Variants in TBC1D2B observed in about 807,000 individuals in gnomAD.
The protein encoded by TBC1D2B is TBC1 domain family member 2B.
Under a neutral mutation model 100.8 loss-of-function variants are expected in TBC1D2B, and 64 were observed. The observed-to-expected ratio is 0.64, with a 90% CI of 0.52 to 0.78. The LOEUF is 0.78. Ranked by LOEUF, TBC1D2B falls within the 30% of genes least tolerant of loss-of-function variation. TBC1D2B has a pLI of 0.00. For missense variants in TBC1D2B, 1,052 were observed against 1,218.4 expected (o/e 0.86, Z 2.03); for synonymous variants, 480 against 479.7 (o/e 1.00, Z -0.01).
intron 10 of TBC1D2B, among the ~76,000 whole-genome samples, chr15:78,004,418 G>A (rs2072011762): frequency 6.6e-6 from 1 of 152,174 alleles, no homozygotes; most frequent in African/African-American, 2.4e-5. Context: ...AGGAGGGCTG[G>A]GAGGTGAGGC....
chr15:78,012,535 T>C (rs546419327), intron 9 of TBC1D2B, among the ~76,000 whole-genome samples: 16 of 152,174 alleles, frequency 1.1e-4, no homozygotes, highest in Non-Finnish European at 2.1e-4. Flanking sequence ...ATCAAACTTC[T>C]GATCAAAACC....
Position 77,998,156 on chromosome 15 carries a change from C to T in TBC1D2B, c.*4G>A. On this transcript the variant is annotated 3_prime_UTR_variant, in exon 13 of 13. Coordinates refer to ENST00000300584, the MANE Select transcript of TBC1D2B (RefSeq NM_144572.2). Reference sequence around the variant, plus strand: ...AGGAAGGAAGAGCAGCATCCCGAGCCCACTCAGGTATCCTCCTCCTCGTCA... The same window carrying T: ...AGGAAGGAAGAGCAGCATCCCGAGCTCACTCAGGTATCCTCCTCCTCGTCA... 4.0e-6 allele frequency: 6 copies of T among 1,511,890 alleles called. No individual in the cohort carries two copies. The highest frequency in any genetic ancestry group is 1.7e-4 in the Middle Eastern group (1 of 5,850). 93.7% of individuals were successfully genotyped at this position (1,511,890 alleles called of 1,614,324 possible). A position where few individuals can be genotyped will look rare whatever the true frequency, so the allele number is the denominator to read the frequency against.
At chr15:78,012,780 G>C in intron 9 of TBC1D2B, 43 bp downstream of exon 9, 1 of 1,408,526 alleles carries the variant, frequency 7.1e-7, no homozygotes, top group Non-Finnish European at 9.3e-7. Flanking sequence ...GTGCCTACAA[G>C]TTGCCTAATG....
intron 3 of TBC1D2B, among the ~76,000 whole-genome samples, chr15:78,040,977 T>C (rs1196767849): frequency 6.6e-6 from 1 of 152,206 alleles, no homozygotes; most frequent in Non-Finnish European, 1.5e-5. Context: ...TTCTCTGTTA[T>C]CTTTCTTGGG....
chr15:78,075,144 C>T (rs1226799698), intron 1 of TBC1D2B, among the ~76,000 whole-genome samples: 1 of 152,104 alleles, frequency 6.6e-6, no homozygotes, highest in African/African-American at 2.4e-5. Context: ...AGTTTAAAGC[C>T]ACACTTCTGA....
intron 2 of TBC1D2B, among the ~76,000 whole-genome samples, chr15:78,047,573 C>T: frequency 6.6e-6 from 1 of 152,140 alleles, no homozygotes; most frequent in Non-Finnish European, 1.5e-5. Flanking sequence ...TCCTCCTTCA[C>T]TCTTTTATAT....
chr15:78,021,071 G>A (rs2072504297), intron 6 of TBC1D2B, among the ~76,000 whole-genome samples: 1 of 152,268 alleles, frequency 6.6e-6, no homozygotes, highest in East Asian at 1.9e-4. Flanking sequence ...GAAACATGGA[G>A]AAATAATGAC....
intron 8 of TBC1D2B, among the ~76,000 whole-genome samples, chr15:78,015,089 C>T (rs183329692): frequency 0.014 from 2,085 of 152,028 alleles, 64 homozygotes; most frequent in African/African-American, 0.048. Context: ...TAGTCCCAGC[C>T]ACTCAGGAGG....
chr15:78,059,440 T>C (rs28658476), intron 1 of TBC1D2B, among the ~76,000 whole-genome samples: 2,341 of 152,332 alleles, frequency 0.015, 63 homozygotes, highest in African/African-American at 0.053. Context: ...GCCATTGTAG[T>C]TGTCTCCTAC....
chr15:78,024,047 G>C, intron 6 of TBC1D2B, 109 bp downstream of exon 6: 1 of 1,324,894 alleles, frequency 7.5e-7, no homozygotes, highest in Non-Finnish European at 1.0e-6. Flanking sequence ...AAAAAAATAA[G>C]TGTGCAGCTG....
rs556631838 is a variant in TBC1D2B, at chr15:78,044,941, G to A, written c.642C>T (p.Ser214=). The part of the protein sequence containing the change: ...ANQPAPGHPN[S]INFYSLKQWG... ...ACTGTTTCAAAGAGTAAAAATTAATGGAATTTGGATGCCCTGGGGCGGGCT... is the reference window on the plus strand; with the variant it reads ...ACTGTTTCAAAGAGTAAAAATTAATAGAATTTGGATGCCCTGGGGCGGGCT... The change falls in exon 3 of 13, where the codon TCC becomes TCT. Residue 214 remains serine, a synonymous_variant. Transcript: ENST00000300584. 1.2e-6 allele frequency: 2 copies of A among 1,613,410 alleles called. No homozygotes were observed. Among genetic ancestry groups the A allele is most frequent in the Admixed American group, 1.7e-5 (1 of 59,958 alleles).
At chr15:78,020,693 C>T (rs1039532347) in intron 6 of TBC1D2B, among the ~76,000 whole-genome samples, 1 of 152,230 alleles carries the variant, frequency 6.6e-6, no homozygotes, top group Non-Finnish European at 1.5e-5. Flanking sequence ...CGCTGTTCCA[C>T]ATCCCCTTCC....
At chr15:78,031,691 A>G (rs578134444) in intron 3 of TBC1D2B, among the ~76,000 whole-genome samples, 94 of 152,264 alleles carry the variant, frequency 6.2e-4, no homozygotes, top group African/African-American at 2.2e-3. Flanking sequence ...TCTGTGTGCT[A>G]AAAATATTTC....
chr15:78,067,109 G>A (rs1280247274), intron 1 of TBC1D2B, among the ~76,000 whole-genome samples: 1 of 152,228 alleles, frequency 6.6e-6, no homozygotes, highest in African/African-American at 2.4e-5. Flanking sequence ...CAAACTGCTG[G>A]GTTTAAAATG....
At chr15:78,068,383 C>CACACACACACA (rs2073693270) in intron 1 of TBC1D2B, among the ~76,000 whole-genome samples, 8 of 143,012 alleles carry the variant, frequency 5.6e-5, no homozygotes, top group South Asian at 2.3e-4. Context: ...CACACCACAC[C>CACACACACACA]CACACACACA....
In TBC1D2B at chr15:78,003,296, C is replaced by A. The variant is rs777227222; in HGVS notation, c.2574+9G>T. On this transcript the variant is annotated intron_variant, in intron 11 of 12. Coordinates refer to ENST00000300584, the MANE Select transcript of TBC1D2B (RefSeq NM_144572.2). ...TATATCTGAAAATAGCTGAGCTGAG[C>A]TAACTCACCTTTGGTCCTTCATAAA... 2 of 1,611,324 alleles carry A rather than the reference C, an allele frequency of 1.2e-6. No individual in the cohort carries two copies. Among genetic ancestry groups the A allele is most frequent in the Non-Finnish European group, 1.7e-6 (2 of 1,177,874 alleles).
chr15:78,047,205 T>C (rs1045701521), intron 2 of TBC1D2B, among the ~76,000 whole-genome samples: 9 of 149,114 alleles, frequency 6.0e-5, no homozygotes, highest in Non-Finnish European at 1.0e-4. Context: ...ACTCTGTCAC[T>C]AAGGCCTGGA....
intron 4 of TBC1D2B, among the ~76,000 whole-genome samples, chr15:78,027,914 C>A (rs775241726): frequency 8.5e-5 from 13 of 152,116 alleles, no homozygotes; most frequent in Admixed American, 2.0e-4. Flanking sequence ...ACATTCTACA[C>A]CATGTCACAC....
At chr15:78,064,670 T>A (rs1362292449) in intron 1 of TBC1D2B, among the ~76,000 whole-genome samples, 2 of 152,054 alleles carry the variant, frequency 1.3e-5, no homozygotes, top group Non-Finnish European at 2.9e-5. Flanking sequence ...ATCTGATAAA[T>A]AACTCTAGGT....
Sources: gnomAD v4.1 joint callset for allele counts (sites outside exome capture counted in the v4.1 genomes callset) on GRCh38, gnomAD v4.1.1 for gene constraint, MANE v1.5 for transcripts, NCBI Gene and HGNC (gene_info 2026-07-23, HGNC 2026-07-21) for gene names.